TXLNB: variants seen among roughly 807,000 people sequenced by gnomAD.
TXLNB encodes taxilin beta.
TXLNB carries 37 observed loss-of-function variants against 57.4 expected under a neutral mutation model. The observed-to-expected ratio is 0.64, with a 90% CI of 0.50 to 0.85. The LOEUF is 0.85. Ranked by LOEUF, TXLNB falls within the 40% of genes least tolerant of loss-of-function variation. The probability of loss-of-function intolerance (pLI) is 0.00; values close to 1 mark genes in which losing one functional copy is unlikely to be tolerated. For synonymous variants in TXLNB, 302 were observed against 309.6 expected (o/e 0.98, Z 0.26); for missense variants, 848 against 825.6 (o/e 1.03, Z -0.33).
chr6:139,289,157 C>T (rs2114643774), intron 1 of TXLNB, among the ~76,000 whole-genome samples: 1 of 152,300 alleles, frequency 6.6e-6, no homozygotes, highest in East Asian at 1.9e-4. Context: ...ACATGAAATC[C>T]ACAGGCAGAC....
At chr6:139,174,548 T>C in the TXLNB span, 1 of 1,613,112 alleles carries the variant, frequency 6.2e-7, no homozygotes, top group Non-Finnish European at 8.5e-7. Context: ...AGGTAGGTAC[T>C]GAACACACTG....
chr6:139,220,755 T>C, the TXLNB span, among the ~76,000 whole-genome samples: 1 of 152,202 alleles, frequency 6.6e-6, no homozygotes, highest in Admixed American at 6.5e-5. Context: ...ATTTGCATTA[T>C]ATCAGATAAT....
the TXLNB span, among the ~76,000 whole-genome samples, chr6:139,169,420 A>C: frequency 6.6e-6 from 1 of 152,210 alleles, no homozygotes; most frequent in East Asian, 1.9e-4. Flanking sequence ...GCTCTTTTTA[A>C]TAGCATTCTC....
In TXLNB at chr6:139,262,730, T is replaced by C. The variant is rs1317888336; in HGVS notation, c.731A>G (p.Lys244Arg). The C allele has an allele frequency of 1.2e-6, 2 of 1,613,984 alleles. No individual in the cohort carries two copies. The highest frequency in any genetic ancestry group is 4.5e-5 in the East Asian group (2 of 44,894). ...QRAREEEEKR[K>R]EITSHFQSTL... ...ACTCTGGAAATGGCTTGTGATTTCC[T>C]TCCTTTTCTCTTCTTCCTCACGTGC... Residue 244 changes from lysine (K) to arginine (R), a missense_variant, in exon 5 of 10, where the codon AAG becomes AGG. Physicochemically the swap from Lys to Arg is conservative, Grantham distance 26. Transcript: ENST00000358430.
At chr6:139,173,779 G>A in the TXLNB span, among the ~76,000 whole-genome samples, 4 of 152,072 alleles carry the variant, frequency 2.6e-5, no homozygotes, top group African/African-American at 4.8e-5. Flanking sequence ...TTAAGAGCTC[G>A]GTGAATAATA....
chr6:139,257,112 A>G (rs1776363891), intron 6 of TXLNB, among the ~76,000 whole-genome samples: 1 of 152,168 alleles, frequency 6.6e-6, no homozygotes, highest in Non-Finnish European at 1.5e-5. Context: ...ATTAGAGTTC[A>G]GAGGGTTTTT....
the TXLNB span, among the ~76,000 whole-genome samples, chr6:139,309,651 A>G: frequency 6.6e-6 from 1 of 152,208 alleles, no homozygotes; most frequent in African/African-American, 2.4e-5. Context: ...AGGGCCAGGC[A>G]CAGTGGCTCA....
At chr6:139,270,170 T>C (rs1254473246) in intron 4 of TXLNB, among the ~76,000 whole-genome samples, 1 of 152,204 alleles carries the variant, frequency 6.6e-6, no homozygotes, top group Non-Finnish European at 1.5e-5. Flanking sequence ...ATGCATTTTA[T>C]CAAGGGCCTG....
At chr6:139,165,891 G>T in the TXLNB span, 3,236 of 165,096 alleles carry the variant, frequency 0.02, 120 homozygotes, top group African/African-American at 0.073. Context: ...AAGAATTCTG[G>T]TTTTTTCCTT....
At chr6:139,167,069 C>T in the TXLNB span, 1 of 1,614,114 alleles carries the variant, frequency 6.2e-7, no homozygotes, top group South Asian at 1.1e-5. Context: ...CTCCGAACTC[C>T]TCACTCACAT....
intron 2 of TXLNB, among the ~76,000 whole-genome samples, chr6:139,279,666 T>A (rs1262436567): frequency 6.6e-6 from 1 of 152,112 alleles, no homozygotes; most frequent in Admixed American, 6.6e-5. Flanking sequence ...TATCATTACA[T>A]CTCCATGGAA....
chr6:139,251,686 A>G (rs927200862), intron 7 of TXLNB: 5 of 152,246 alleles, frequency 3.3e-5, no homozygotes, highest in Non-Finnish European at 5.9e-5. Flanking sequence ...AATTGCCTCA[A>G]TATTTCACTT....
chr6:139,303,803 A>G, the TXLNB span, among the ~76,000 whole-genome samples: 2 of 151,598 alleles, frequency 1.3e-5, no homozygotes, highest in Non-Finnish European at 2.9e-5. Flanking sequence ...TTGACACAGA[A>G]ATAATCTAGG....
chr6:139,299,913 C>A, the TXLNB span, among the ~76,000 whole-genome samples: 1 of 152,158 alleles, frequency 6.6e-6, no homozygotes, highest in Non-Finnish European at 1.5e-5. Flanking sequence ...TTTTACCATA[C>A]AAGCACTGTG....
chr6:139,269,854 C>G (rs576767012), intron 4 of TXLNB, among the ~76,000 whole-genome samples: 2 of 152,266 alleles, frequency 1.3e-5, no homozygotes, highest in African/African-American at 4.8e-5. Flanking sequence ...CTAGGGCTTA[C>G]GCTGTAATTA....
At chr6:139,278,264 T>C (rs1428810327) in intron 2 of TXLNB, among the ~76,000 whole-genome samples, 2 of 152,314 alleles carry the variant, frequency 1.3e-5, no homozygotes, top group Middle Eastern at 3.4e-3. Context: ...TCCACTCTCA[T>C]GTGGAATTCT....
chr6:139,280,658 T>C (rs1286520037), intron 2 of TXLNB, among the ~76,000 whole-genome samples: 1 of 148,728 alleles, frequency 6.7e-6, no homozygotes, highest in Non-Finnish European at 1.5e-5. Context: ...AACAAAAGTA[T>C]GCCTTTTCTC....
the TXLNB span, among the ~76,000 whole-genome samples, chr6:139,181,668 A>G: frequency 6.6e-6 from 1 of 152,226 alleles, no homozygotes; most frequent in Non-Finnish European, 1.5e-5. Context: ...GTATGAATGT[A>G]TAGGAAAGGT....
intron 7 of TXLNB, among the ~76,000 whole-genome samples, chr6:139,253,524 T>C (rs188050803): frequency 5.9e-4 from 89 of 152,054 alleles, no homozygotes; most frequent in African/African-American, 2.1e-3. Context: ...TTTAGTTCCA[T>C]AGAGGTTTAG....
Sources: gnomAD v4.1 joint callset for allele counts (sites outside exome capture counted in the v4.1 genomes callset) on GRCh38, gnomAD v4.1.1 for gene constraint, MANE v1.5 for transcripts, NCBI Gene and HGNC (gene_info 2026-07-23, HGNC 2026-07-21) for gene names.